Variants in IARS1 observed in about 807,000 individuals in gnomAD.
IARS1 encodes the protein isoleucine--tRNA ligase, cytoplasmic.
A neutral mutation model predicts 168.2 loss-of-function variants in IARS1; 124 were observed. The observed-to-expected ratio is 0.74, with a 90% CI of 0.64 to 0.86. The LOEUF is 0.86. Among genes scored for constraint, IARS1 ranks in the 40% least tolerant of loss-of-function variants. The pLI, the probability that IARS1 is intolerant of heterozygous loss-of-function variation, is 0.00. For missense variants in IARS1, 1,452 were observed against 1,515.8 expected (o/e 0.96, Z 0.70); for synonymous variants, 532 against 529.4 (o/e 1.00, Z -0.07).
At chr9:92,272,951 A>G (rs1279627355) in intron 10 of IARS1, among the ~76,000 whole-genome samples, 1 of 151,964 alleles carries the variant, frequency 6.6e-6, no homozygotes, top group East Asian at 1.9e-4. Flanking sequence ...TAACATGCAC[A>G]GCATTGAGAA....
At chr9:92,211,164 A>G (rs10992273) in intron 33 of IARS1, among the ~76,000 whole-genome samples, 60,144 of 151,958 alleles carry the variant, frequency 0.4, 13,852 homozygotes, top group African/African-American at 0.63. Context: ...CAAGTATATG[A>G]TTTAGGATGG....
intron 22 of IARS1, among the ~76,000 whole-genome samples, chr9:92,251,362 G>A (rs188174485): frequency 1.3e-5 from 2 of 152,328 alleles, no homozygotes; most frequent in East Asian, 1.9e-4. Context: ...ACTAATATCT[G>A]AACTGATAAG....
chr9:92,219,557 CA>C (rs1839333831), intron 33 of IARS1, among the ~76,000 whole-genome samples: 1 of 150,906 alleles, frequency 6.6e-6, no homozygotes, highest in South Asian at 2.1e-4. Flanking sequence ...ACAATGAACT[CA>C]AACAAATTTA....
chr9:92,262,988 T>C lies in IARS1; in HGVS notation c.1768A>G (p.Asn590Asp). 2 of 1,613,836 alleles carry C rather than the reference T, an allele frequency of 1.2e-6. No homozygotes were observed. The highest frequency in any genetic ancestry group is 1.7e-6 in the Non-Finnish European group (2 of 1,179,820). The change falls in exon 17 of 34, where the codon AAT becomes GAT. Residue 590 changes from asparagine to aspartate, a missense_variant. Transcript: ENST00000443024. The stretch of plus-strand genomic sequence containing the variant: ...ACCTACCTTGCCAGGACAAGCCCAT[T>C]CACAATTACGTTCTTGAAAGGCGGT... ...GQPPFKNVIVNGLVLASDGQK... is the reference protein window; with the variant it reads ...GQPPFKNVIVDGLVLASDGQK...
rs1212830539 is a variant in IARS1 at position 92,260,151 on chromosome 9, C to A, written c.1871G>T (p.Arg624Ile). Residue 624 changes from arginine (R) to isoleucine (I), a missense_variant and splice_region_variant, in exon 18 of 34, where the codon AGA becomes ATA. Coordinates refer to ENST00000443024, the MANE Select transcript of IARS1 (RefSeq NM_002161.6). ...IIQKYGADAL[R>I]LYLINSPVVR... ...CACAAGGCAAAGCACTGGTTTGTAC[C>A]TGAGGGCATCAGCACCATACTTCTG... 6.2e-7 allele frequency: 1 copy of A among 1,603,246 alleles called. No homozygotes were observed. Among genetic ancestry groups the A allele is most frequent in the East Asian group, 2.2e-5 (1 of 44,842 alleles).
intron 26 of IARS1, among the ~76,000 whole-genome samples, chr9:92,246,216 T>C (rs1413816373): frequency 6.6e-6 from 1 of 152,248 alleles, no homozygotes; most frequent in Non-Finnish European, 1.5e-5. Context: ...TGATGTCTTA[T>C]GTTTTATTAA....
chr9:92,235,490 C>G (rs1827350601), intron 30 of IARS1, among the ~76,000 whole-genome samples: 1 of 149,062 alleles, frequency 6.7e-6, no homozygotes, highest in African/African-American at 2.5e-5. Flanking sequence ...ATCTTTTAGT[C>G]TGACAATACG....
chr9:92,222,724 T>C lies in IARS1; in HGVS notation c.3554-52A>G, dbSNP rs577867481. 1.7e-4 allele frequency: 270 copies of C among 1,598,288 alleles called. 2 individuals are homozygous for C. Among genetic ancestry groups the C allele is most frequent in the South Asian group, 1.5e-3 (138 of 89,948 alleles). On this transcript the variant is annotated intron_variant, in intron 32 of 33. Coordinates refer to ENST00000443024, the MANE Select transcript of IARS1 (RefSeq NM_002161.6). ...AAATCTCGAGAGTTCACCCTCTAGCTCCAAAAGAGGTGGCCACTGCGGACA... is the reference window on the plus strand; with the variant it reads ...AAATCTCGAGAGTTCACCCTCTAGCCCCAAAAGAGGTGGCCACTGCGGACA...
chr9:92,270,942 G>T, intron 12 of IARS1, 43 bp downstream of exon 12: 1 of 1,339,028 alleles, frequency 7.5e-7, no homozygotes, highest in Non-Finnish European at 1.1e-6. Context: ...TGTAAGCACA[G>T]ACTGGAAGCT....
At chr9:92,250,437 G>A (rs974837231) in intron 23 of IARS1, 148 bp from the exon 24 acceptor site, 8 of 664,368 alleles carry the variant, frequency 1.2e-5, no homozygotes, top group Middle Eastern at 5.0e-4. Context: ...GCAGCGCAGT[G>A]CCTACCACTC....
At position 92,210,756 on chromosome 9, in the gene IARS1, G is replaced by T; in HGVS notation, c.*51C>A. ...GTGTCTATGTGCATGTATGTGTAGG[G>T]GATAGGTGTAATTAGGGAAGGGCTG... is the stretch of plus-strand genomic sequence containing the variant. On this transcript the variant is annotated 3_prime_UTR_variant, in exon 34 of 34. Transcript: ENST00000443024. 9.8e-7 allele frequency: 1 copy of T among 1,015,576 alleles called. No homozygotes were observed. The highest frequency in any genetic ancestry group is 1.6e-6 in the Non-Finnish European group (1 of 633,964). The allele number at this position is 1,015,576 out of a possible 1,614,324, so 62.9% of individuals were successfully genotyped here.
Position 92,250,781 on chromosome 9 carries a change from C to T in IARS1, c.2361G>A (p.Leu787=). 2 of 1,613,700 alleles carry T rather than the reference C, an allele frequency of 1.2e-6. No homozygotes were observed. Among genetic ancestry groups the T allele is most frequent in the Non-Finnish European group, 1.7e-6 (2 of 1,179,788 alleles). Residue 787 remains leucine (L), a synonymous_variant, in exon 23 of 34, where the codon CTG becomes CTA. Transcript: ENST00000443024. Reference sequence around the variant, plus strand: ...TGTCCTGAACAGAAACAGGGTCAATCAGCACCTTTAGATTCTGGTACATCA... The same window carrying T: ...TGTCCTGAACAGAAACAGGGTCAATTAGCACCTTTAGATTCTGGTACATCA... ...TELMYQNLKV[L]IDPVSVQDKD... is the part of the protein sequence containing the mutation.
At chr9:92,220,584 A>G (rs1416735982) in intron 33 of IARS1, among the ~76,000 whole-genome samples, 4 of 152,042 alleles carry the variant, frequency 2.6e-5, no homozygotes, top group Non-Finnish European at 1.5e-5. Flanking sequence ...GTGCCACTGC[A>G]CTCCAGCCTG....
chr9:92,259,839 G>A (rs185390079), intron 18 of IARS1, among the ~76,000 whole-genome samples: 210 of 152,218 alleles, frequency 1.4e-3, no homozygotes, highest in African/African-American at 4.6e-3. Flanking sequence ...ATACCAACAA[G>A]ACAGGGAACC....
intron 18 of IARS1, among the ~76,000 whole-genome samples, chr9:92,259,231 T>C (rs1236786467): frequency 6.6e-6 from 1 of 152,222 alleles, no homozygotes; most frequent in Non-Finnish European, 1.5e-5. Context: ...AATATGGCAC[T>C]GTATAGCACA....
intron 28 of IARS1, 72 bp from the exon 29 acceptor site, chr9:92,242,402 G>T: frequency 8.3e-7 from 1 of 1,206,734 alleles, no homozygotes; most frequent in Non-Finnish European, 1.2e-6. Flanking sequence ...AGGTACTGTT[G>T]AACAAGGGCT....
rs142969240 is a variant in IARS1 at position 92,265,081 on chromosome 9, G to A, written c.1548C>T (p.Ser516=). The change falls in exon 16 of 34, where the codon TCC becomes TCT. Residue 516 remains serine (S), a synonymous_variant. Coordinates refer to ENST00000443024, the MANE Select transcript of IARS1 (RefSeq NM_002161.6). ...CAAACACTTCAGAGATGCGGTGCAA[G>A]GATCCCTTCCCACAGCGTGAAGGAA... ...LTIPSRCGKG[S]LHRISEVFDC... is the part of the protein sequence containing the mutation. 6.2e-7 allele frequency: 1 copy of A among 1,614,026 alleles called. No homozygotes were observed. The highest frequency in any genetic ancestry group is 2.2e-5 in the East Asian group (1 of 44,882).
Position 92,274,335 on chromosome 9 carries a change from G to C in IARS1, c.990+91C>G, listed in dbSNP as rs187892851. On this transcript the variant is annotated intron_variant, in intron 10 of 33. Coordinates refer to ENST00000443024, the MANE Select transcript of IARS1 (RefSeq NM_002161.6). ...GTGAGCCAGAAAAGAGGCCAACCTG[G>C]TAACCCAACATGATGAGACACAGGA... is the stretch of plus-strand genomic sequence containing the variant. The C allele has an allele frequency of 1.1e-5, 11 of 960,256 alleles. No individual in the cohort carries two copies. The African/African-American group carries it at 1.8e-4, about 15-fold the overall frequency. 59.5% of individuals were successfully genotyped at this position (960,256 alleles called of 1,614,324 possible).
chr9:92,259,112 G>A, intron 18 of IARS1, 114 bp from the exon 19 acceptor site: 28 of 903,228 alleles, frequency 3.1e-5, no homozygotes, highest in Middle Eastern at 2.8e-4. Flanking sequence ...TACAAAAGGG[G>A]GTAATTATGA....
Sources: gnomAD v4.1 joint callset for allele counts (sites outside exome capture counted in the v4.1 genomes callset) on GRCh38, gnomAD v4.1.1 for gene constraint, MANE v1.5 for transcripts, NCBI Gene and HGNC (gene_info 2026-07-23, HGNC 2026-07-21) for gene names.